LCT: variants seen among roughly 807,000 people sequenced by gnomAD.
LCT encodes the protein lactase.
In LCT, 90 loss-of-function variants were observed where a neutral mutation model predicts 173.0. That is an observed-to-expected ratio of 0.52 (90% CI 0.44 to 0.62). The LOEUF is 0.62. Among genes scored for constraint, LCT ranks in the 20% least tolerant of loss-of-function variants. The pLI is 0.00. For missense variants in LCT, 1,864 were observed against 2,431.4 expected (o/e 0.77, Z 4.91); for synonymous variants, 853 against 957.6 (o/e 0.89, Z 2.02).
chr2:135,796,987 G>C (rs143494548), intron 13 of LCT, among the ~76,000 whole-genome samples: 3 of 138,776 alleles, frequency 2.2e-5, no homozygotes, highest in Non-Finnish European at 3.0e-5. Context: ...TTGCTCCATC[G>C]TCCAGGCTGG....
chr2:135,810,279 G>A (rs1341404530), intron 7 of LCT: 7 of 339,236 alleles, frequency 2.1e-5, no homozygotes, highest in Non-Finnish European at 1.1e-5. Flanking sequence ...TCGGACCAGC[G>A]AGGACTGTTT....
chr2:135,827,668 T>C (rs973531209), intron 3 of LCT, among the ~76,000 whole-genome samples: 3 of 152,206 alleles, frequency 2.0e-5, no homozygotes, highest in Admixed American at 2.0e-4. Context: ...ATCCCTCGCA[T>C]GCGCAGTTCA....
chr2:135,821,420 T>C (rs540936797), intron 5 of LCT, among the ~76,000 whole-genome samples: 4 of 152,308 alleles, frequency 2.6e-5, no homozygotes, highest in African/African-American at 9.6e-5. Context: ...TTACTCATCA[T>C]GTAACTTCAG....
intron 2 of LCT, among the ~76,000 whole-genome samples, chr2:135,830,284 A>T (rs1376774048): frequency 1.3e-5 from 2 of 151,852 alleles, no homozygotes; most frequent in Non-Finnish European, 2.9e-5. Context: ...CCCCATCCAC[A>T]CTTCTGATGA....
At position 135,806,108 on chromosome 2, in the gene LCT, C is replaced by T. The variant is rs140292657; in HGVS notation, c.4173+1020G>A. On this transcript the variant is annotated intron_variant, in intron 9 of 16. Transcript: ENST00000264162. ...CTGAGTGATCCTCCTGCCTCAGCCT[C>T]CCGAGTAGCTGGGACTACAGGAGCA... 9.5e-3 allele frequency among the ~76,000 whole-genome samples: 1,442 copies of T among 152,226 alleles called. 13 individuals carry two copies. The highest frequency in any genetic ancestry group is 0.051 in the Middle Eastern group (15 of 294).
In LCT at chr2:135,818,066, A is replaced by C; in HGVS notation, c.987-5T>G. The C allele has an allele frequency of 6.2e-7, 1 of 1,613,224 alleles. No homozygotes were observed. The highest frequency in any genetic ancestry group is 8.5e-7 in the Non-Finnish European group (1 of 1,180,036). ...CCAGTCAGAGAACAAGACATGCTGC[A>C]GGATTGAAGGGACAAAAAGGGACAT... On this transcript the variant is annotated splice_polypyrimidine_tract_variant and splice_region_variant and intron_variant, in intron 5 of 16. Transcript: ENST00000264162.
chr2:135,811,855 G>A (rs905853386), intron 7 of LCT, among the ~76,000 whole-genome samples: 1 of 151,818 alleles, frequency 6.6e-6, no homozygotes, highest in African/African-American at 2.4e-5. Flanking sequence ...ATTGAAGTGA[G>A]AAGACTGTTT....
intron 6 of LCT, among the ~76,000 whole-genome samples, chr2:135,813,863 G>A (rs1304160983): frequency 6.6e-6 from 1 of 152,170 alleles, no homozygotes; most frequent in African/African-American, 2.4e-5. Context: ...GAGTTTCTTT[G>A]TAGACTTAAC....
intron 11 of LCT, among the ~76,000 whole-genome samples, chr2:135,803,158 T>C (rs1461701946): frequency 6.6e-6 from 1 of 151,942 alleles, no homozygotes; most frequent in African/African-American, 2.4e-5. Context: ...AAGAATTTAG[T>C]GTATATTTGC....
At chr2:135,834,530 G>C (rs1558747876) in intron 1 of LCT, among the ~76,000 whole-genome samples, 2 of 147,722 alleles carry the variant, frequency 1.4e-5, no homozygotes, top group Non-Finnish European at 3.0e-5. Context: ...GCTCACGCCT[G>C]TAATCCCAGC....
chr2:135,807,758 G>A (rs60274701), intron 8 of LCT, among the ~76,000 whole-genome samples: 25,020 of 150,882 alleles, frequency 0.17, 2,527 homozygotes, highest in South Asian at 0.36. Flanking sequence ...GCAGTGAGCC[G>A]AGATCACACC....
chr2:135,811,517 A>G (rs1039841951), intron 7 of LCT, among the ~76,000 whole-genome samples: 1 of 152,320 alleles, frequency 6.6e-6, no homozygotes, highest in South Asian at 2.1e-4. Flanking sequence ...ATCAAAATCA[A>G]TGACATAGAA....
At position 135,837,137 on chromosome 2, in the gene LCT, G is replaced by T. The variant is rs775966764; in HGVS notation, c.33C>A (p.Ala11=). 8 of 1,613,708 alleles carry T rather than the reference G, an allele frequency of 5.0e-6. No homozygotes were observed. The Admixed American group carries it at 1.2e-4, about 24-fold the overall frequency. The part of the protein sequence containing the change: MELSWHVVFI[A]LLSFSCWGSD... ...ACCCCCAGCATGAAAAACTTAGCAG[G>T]GCAATAAAGACTACATGCCAAGACA... The change falls in exon 1 of 17, where the codon GCC becomes GCA. Residue 11 remains alanine, a synonymous_variant. Coordinates refer to ENST00000264162, the MANE Select transcript of LCT (RefSeq NM_002299.4).
rs2077701950 is a variant in LCT at position 135,808,847 on chromosome 2, G to A, written c.3500C>T (p.Thr1167Ile). 2 of 1,614,078 alleles carry A rather than the reference G, an allele frequency of 1.2e-6. No individual in the cohort carries two copies. The highest frequency in any genetic ancestry group is 2.2e-5 in the South Asian group (2 of 91,092). Residue 1167 changes from threonine (T) to isoleucine (I), a missense_variant, in exon 8 of 17, where the codon ACC becomes ATC. Physicochemically the swap from Thr to Ile is moderately conservative, Grantham distance 89 (BLOSUM62 -1). Transcript: ENST00000264162. ...PIFRNGDYPD[T>I]MKWKVGNRSE... The stretch of plus-strand genomic sequence containing the variant: ...CCTGTTCCCCACTTTCCACTTCATG[G>A]TGTCAGGATAGTCTCCGTTTCTAAA...
chr2:135,794,691 G>T lies in LCT; in HGVS notation c.5061C>A (p.Leu1687=). The T allele has an allele frequency of 6.2e-7, 1 of 1,614,100 alleles. No individual in the cohort carries two copies. Among genetic ancestry groups the T allele is most frequent in the South Asian group, 1.1e-5 (1 of 91,082 alleles). Reference sequence around the variant, plus strand: ...CAGTGGCATAGTTGAGGTTGTAGGCGAGGACAGTGGTGTAGTGATTGAACC... The same window carrying T: ...CAGTGGCATAGTTGAGGTTGTAGGCTAGGACAGTGGTGTAGTGATTGAACC... ...FFGFNHYTTV[L]AYNLNYATAI... Residue 1687 remains leucine, a synonymous_variant, in exon 14 of 17, where the codon CTC becomes CTA. Coordinates refer to ENST00000264162, the MANE Select transcript of LCT (RefSeq NM_002299.4).
chr2:135,795,047 A>G (rs12691873), intron 13 of LCT, among the ~76,000 whole-genome samples: 1,947 of 33,256 alleles, frequency 0.059, 20 homozygotes, highest in African/African-American at 0.093. Flanking sequence ...GCGCGCGCGC[A>G]CACACACACA....
In LCT at chr2:135,836,024, AT is replaced by A. The variant is rs1175257435; in HGVS notation, c.640+505del. 4.4e-3 allele frequency among the ~76,000 whole-genome samples: 471 copies of A among 106,156 alleles called. 17 individuals carry two copies. The highest frequency in any genetic ancestry group is 0.021 in the South Asian group (72 of 3,426). 69.6% of individuals were successfully genotyped at this position (106,156 alleles called of 152,430 possible). ...TATATATATATATATATGTATACAT[AT>A]TTTTTTTTTTTGAGATTGTGTCTTG... On this transcript the variant is annotated intron_variant, in intron 1 of 16. Coordinates refer to ENST00000264162, the MANE Select transcript of LCT (RefSeq NM_002299.4).
intron 3 of LCT, among the ~76,000 whole-genome samples, chr2:135,825,527 C>T (rs1026881369): frequency 6.6e-6 from 1 of 152,184 alleles, no homozygotes; most frequent in East Asian, 1.9e-4. Flanking sequence ...AGAGGAGCCT[C>T]GGAGGCCCCC....
At chr2:135,831,058 G>C (rs529816166) in intron 2 of LCT, among the ~76,000 whole-genome samples, 11 of 152,260 alleles carry the variant, frequency 7.2e-5, no homozygotes, top group African/African-American at 2.6e-4. Context: ...GCCCAGGTGG[G>C]TCCCACCACA....
Sources: gnomAD v4.1 joint callset for allele counts (sites outside exome capture counted in the v4.1 genomes callset) on GRCh38, gnomAD v4.1.1 for gene constraint, MANE v1.5 for transcripts, NCBI Gene and HGNC (gene_info 2026-07-23, HGNC 2026-07-21) for gene names.